COL18A1: variants seen among roughly 807,000 people sequenced by gnomAD.
COL18A1 encodes the protein collagen alpha-1(XVIII) chain.
Under a neutral mutation model 168.0 loss-of-function variants are expected in COL18A1, and 133 were observed. The observed-to-expected ratio is 0.79, with a 90% CI of 0.69 to 0.91. The LOEUF (loss-of-function observed/expected upper bound fraction) is 0.91. COL18A1 is among the 40% of genes least tolerant of loss of function. The probability of loss-of-function intolerance (pLI) is 0.00; values close to 1 mark genes in which losing one functional copy is unlikely to be tolerated. For missense variants in COL18A1, 2,126 were observed against 1,925.4 expected (o/e 1.10, Z -1.95); for synonymous variants, 949 against 809.0 (o/e 1.17, Z -2.94).
At position 45,498,371 on chromosome 21, in the gene COL18A1, G is replaced by C. The variant is rs766535645; in HGVS notation, c.2683+710G>C. On this transcript the variant is annotated intron_variant, in intron 32 of 41. Coordinates refer to ENST00000651438, the MANE Select transcript of COL18A1 (RefSeq NM_001379500.1). The surrounding 1 kb of genome is among the most constrained non-coding windows in gnomAD (Gnocchi z 4.5). ...CGCCAGGGTTCCCTCTCGCCACCAC[G>C]GTCCCCTCTCGCCGCCAGGGTCCCC... The C allele has an allele frequency of 1.5e-6, 1 of 658,396 alleles. No homozygotes were observed. Among genetic ancestry groups the C allele is most frequent in the African/African-American group, 1.9e-5 (1 of 53,564 alleles). 40.8% of individuals were successfully genotyped at this position (658,396 alleles called of 1,614,324 possible).
chr21:45,428,377 T>C (rs2033866696), intron 2 of COL18A1, among the ~76,000 whole-genome samples: 1 of 152,188 alleles, frequency 6.6e-6, no homozygotes, highest in East Asian at 1.9e-4. Context: ...ATCAGGAGAC[T>C]TCAGTAGCAG....
At chr21:45,511,887 G>A (rs531130381) in intron 41 of COL18A1, among the ~76,000 whole-genome samples, 2 of 152,338 alleles carry the variant, frequency 1.3e-5, no homozygotes, top group South Asian at 4.1e-4. Flanking sequence ...GGCAGCCACA[G>A]GAAGCCTCTG....
intron 2 of COL18A1, among the ~76,000 whole-genome samples, chr21:45,459,600 G>C (rs1347644447): frequency 6.6e-6 from 1 of 152,238 alleles, no homozygotes; most frequent in African/African-American, 2.4e-5. Flanking sequence ...GGCGTGGGGG[G>C]CGCTCAAAGG....
intron 16 of COL18A1, 57 bp from the exon 17 acceptor site, chr21:45,487,390 G>C: frequency 1.3e-6 from 2 of 1,590,752 alleles, no homozygotes; most frequent in South Asian, 2.2e-5. Context: ...ACCCCAGGGA[G>C]GGGTCCTTCC....
intron 7 of COL18A1, 26 bp from the exon 8 acceptor site, chr21:45,477,724 G>A (rs373073520): frequency 0.012 from 17,806 of 1,516,526 alleles, 133 homozygotes; most frequent in Non-Finnish European, 0.014. Flanking sequence ...ACCCCAGCCC[G>A]AGCCCTGTGT....
chr21:45,491,343 A>T, intron 22 of COL18A1, 29 bp downstream of exon 22: 2 of 1,489,678 alleles, frequency 1.3e-6, no homozygotes, highest in Admixed American at 1.7e-5. Flanking sequence ...TGGGCACCCA[A>T]TCTGTCCAGA....
Position 45,477,836 on chromosome 21 carries a change from TC to T in COL18A1, c.1097del (p.Pro366ArgfsTer7). ...GPPGSPCLPG[P>X]PGLPCPVSPL... Reference sequence around the variant, plus strand: ...CCCCAGGATCCCCATGCCTACCTGGTCCCCCGGGTCTCCCGTGCCCAGTGAG... The same window carrying T: ...CCCCAGGATCCCCATGCCTACCTGGTCCCCGGGTCTCCCGTGCCCAGTGAG... On this transcript the variant is annotated frameshift_variant, in exon 8 of 42. Transcript: ENST00000651438. LOFTEE classifies it high-confidence loss of function. 1 of 1,552,652 alleles carries T rather than the reference TC, an allele frequency of 6.4e-7. No individual in the cohort carries two copies.
chr21:45,436,592 A>C (rs1247196803), intron 2 of COL18A1, among the ~76,000 whole-genome samples: 3 of 143,736 alleles, frequency 2.1e-5, no homozygotes, highest in Non-Finnish European at 4.6e-5. Context: ...GGAGGGGACC[A>C]TGGGACTGGA....
rs750149222 is a variant in COL18A1 at position 45,494,917 on chromosome 21, T to G, written c.2433+2T>G. 6.2e-7 allele frequency: 1 copy of G among 1,609,848 alleles called. No homozygotes were observed. Reference sequence around the variant, plus strand: ...GAGATTGGCTTTCCTGGACGGCCGGTGAGGACCTGGGGTCTCCAGTGGGGG... The same window carrying G: ...GAGATTGGCTTTCCTGGACGGCCGGGGAGGACCTGGGGTCTCCAGTGGGGG... On this transcript the variant is annotated splice_donor_variant, in intron 28 of 41. Coordinates refer to ENST00000651438, the MANE Select transcript of COL18A1 (RefSeq NM_001379500.1). LOFTEE classifies it high-confidence loss of function.
At chr21:45,422,756 A>C in intron 2 of COL18A1, 1 of 220,088 alleles carries the variant, frequency 4.5e-6, no homozygotes, top group South Asian at 4.7e-5. Context: ...TCTTTGGGAG[A>C]CCACCTGGTG....
chr21:45,475,545 C>G lies in COL18A1; in HGVS notation c.798+10C>G, dbSNP rs752717542. 1 of 1,602,054 alleles carries G rather than the reference C, an allele frequency of 6.2e-7. No homozygotes were observed. Among genetic ancestry groups the G allele is most frequent in the South Asian group, 1.1e-5 (1 of 89,098 alleles). ...TCTCAGGGAGGAGACGGTGAGTAGC[C>G]GGACGGGGCCCAGCCCACGCTGCAG... On this transcript the variant is annotated intron_variant, in intron 5 of 41. Transcript: ENST00000651438.
chr21:45,452,435 CATGT>C (rs1214723341), intron 2 of COL18A1, among the ~76,000 whole-genome samples: 2 of 151,292 alleles, frequency 1.3e-5, no homozygotes, highest in South Asian at 2.1e-4. Context: ...CTTGTGTATG[CATGT>C]GAGTACTCAC....
chr21:45,418,919 GGGAGAT>G (rs1276839750), intron 2 of COL18A1, among the ~76,000 whole-genome samples: 5 of 152,254 alleles, frequency 3.3e-5, no homozygotes, highest in Non-Finnish European at 7.3e-5. Context: ...CTTGCAGGCA[GGGAGAT>G]GGAGAAGCAA....
At chr21:45,421,815 G>A (rs1353318307) in intron 2 of COL18A1, among the ~76,000 whole-genome samples, 3 of 152,088 alleles carry the variant, frequency 2.0e-5, no homozygotes, top group Non-Finnish European at 2.9e-5. Flanking sequence ...GAGGCTCAGG[G>A]CCCTGTGACA....
Position 45,504,506 on chromosome 21 carries a change from C to T in COL18A1, c.2818C>T (p.Pro940Ser), listed in dbSNP as rs759572850. The change falls in exon 34 of 42, where the codon CCC becomes TCC. Residue 940 changes from proline to serine, a missense_variant. Coordinates refer to ENST00000651438, the MANE Select transcript of COL18A1 (RefSeq NM_001379500.1). ...TTTCTTCGGCTCCAGCCTGCCCGGC[C>T]CCCCCGGCCCCCCAGGCCCCCCAGG... ...GGFFGSSLPGPPGPPGPPGPR... is the reference protein window; with the variant it reads ...GGFFGSSLPGSPGPPGPPGPR... The T allele has an allele frequency of 6.4e-6, 9 of 1,396,392 alleles. No homozygotes were observed. Among genetic ancestry groups the T allele is most frequent in the East Asian group, 2.6e-5 (1 of 38,562 alleles). 86.5% of individuals were successfully genotyped at this position (1,396,392 alleles called of 1,614,324 possible).
intron 14 of COL18A1, 151 bp from the exon 15 acceptor site, chr21:45,482,644 C>A: frequency 8.5e-7 from 1 of 1,169,944 alleles, no homozygotes; most frequent in Non-Finnish European, 1.2e-6. Flanking sequence ...GGGGGGATGA[C>A]AGCGGCAACA....
At chr21:45,427,827 G>A (rs912942293) in intron 2 of COL18A1, among the ~76,000 whole-genome samples, 5 of 152,340 alleles carry the variant, frequency 3.3e-5, no homozygotes, top group South Asian at 2.1e-4. Context: ...CGGAAGGGGG[G>A]CGAGGCCTCG....
intron 2 of COL18A1, among the ~76,000 whole-genome samples, chr21:45,433,727 A>G (rs968951816): frequency 1.3e-5 from 2 of 152,140 alleles, no homozygotes; most frequent in African/African-American, 4.8e-5. Context: ...AATTTTCTTT[A>G]CACTGACAGG....
At chr21:45,501,097 G>A (rs1369407973) in intron 32 of COL18A1, among the ~76,000 whole-genome samples, 1 of 117,856 alleles carries the variant, frequency 8.5e-6, no homozygotes, top group Non-Finnish European at 1.8e-5. Flanking sequence ...GGAGTGTGGG[G>A]GTGTGGTTTG....
Sources: allele counts gnomAD v4.1 joint callset (sites outside exome capture counted in the v4.1 genomes callset), GRCh38; gene constraint gnomAD v4.1.1; non-coding constraint Gnocchi (gnomAD v3.1); transcripts MANE v1.5; gene names NCBI Gene and HGNC (gene_info 2026-07-23, HGNC 2026-07-21).